Variants in TXNDC12 observed in about 807,000 individuals in gnomAD.
TXNDC12 encodes thioredoxin domain containing 12, also known as thioredoxin domain-containing protein 12.
TXNDC12 carries 22 observed loss-of-function variants against 24.2 expected under a neutral mutation model. The ratio of observed to expected loss-of-function variants is 0.91; its 90% CI spans 0.65 to 1.30. The LOEUF (loss-of-function observed/expected upper bound fraction) is 1.30, where lower values mean the gene tolerates loss of function less well. Among genes scored for constraint, TXNDC12 ranks in the 50% most tolerant of loss-of-function variants. The pLI is 0.00. For missense variants in TXNDC12, 184 were observed against 205.8 expected, an observed-to-expected ratio of 0.89 and a Z score of 0.65; for synonymous variants, 58 against 73.4, an observed-to-expected ratio of 0.79 and a Z score of 1.07.
intron 1 of TXNDC12, among the ~76,000 whole-genome samples, chr1:52,046,866 A>C (rs10888745): frequency 9.9e-5 from 3 of 30,172 alleles, no homozygotes; most frequent in Non-Finnish European, 4.7e-4. Flanking sequence ...AAAAAAAAAA[A>C]ATATATATAT....
intron 1 of TXNDC12, among the ~76,000 whole-genome samples, chr1:52,046,614 G>A (rs565454811): frequency 1.4e-4 from 22 of 152,156 alleles, no homozygotes; most frequent in Non-Finnish European, 2.6e-4. Context: ...CGTGGCTCAC[G>A]CCTGTAATCC....
At chr1:52,041,136 T>C (rs1685980151) in intron 2 of TXNDC12, among the ~76,000 whole-genome samples, 1 of 151,202 alleles carries the variant, frequency 6.6e-6, no homozygotes, top group Admixed American at 6.6e-5. Flanking sequence ...ATTGAGACCA[T>C]CCTGGCTAAC....
intron 3 of TXNDC12, among the ~76,000 whole-genome samples, chr1:52,027,744 TATAC>T (rs1685692462): frequency 6.7e-6 from 1 of 149,200 alleles, no homozygotes; most frequent in Non-Finnish European, 1.5e-5. Flanking sequence ...ATATGTTATA[TATAC>T]ATATATACAT....
intron 3 of TXNDC12, among the ~76,000 whole-genome samples, chr1:52,027,738 GT>G (rs1385964139): frequency 6.7e-6 from 1 of 148,466 alleles, no homozygotes; most frequent in African/African-American, 2.5e-5. Context: ...GTGTATATAT[GT>G]TATATATACA....
chr1:52,055,089 G>C lies in TXNDC12; in HGVS notation c.8C>G (p.Thr3Arg), dbSNP rs779769769. The C allele has an allele frequency of 1.9e-6, 3 of 1,613,672 alleles. No individual in the cohort carries two copies. The highest frequency in any genetic ancestry group is 2.5e-6 in the Non-Finnish European group (3 of 1,179,640). METRPRLGATCLL... is the reference protein window; with the variant it reads MERRPRLGATCLL... ...ACAGGTGGCCCCGAGACGAGGCCGCGTCTCCATGGCAGTAGGTGCGCGGGG... is the reference window on the plus strand; with the variant it reads ...ACAGGTGGCCCCGAGACGAGGCCGCCTCTCCATGGCAGTAGGTGCGCGGGG... The change falls in exon 1 of 7, where the codon ACG becomes AGG. Residue 3 changes from threonine (T) to arginine (R), a missense_variant. By Grantham distance (71) the Thr-to-Arg change is moderately conservative (BLOSUM62 -1). Coordinates refer to ENST00000371626, the MANE Select transcript of TXNDC12 (RefSeq NM_015913.4).
chr1:52,051,743 C>G (rs1156977604), intron 1 of TXNDC12: 3 of 169,284 alleles, frequency 1.8e-5, no homozygotes, highest in Admixed American at 6.5e-5. Flanking sequence ...TTAATGAAAA[C>G]AGTAGAGATC....
rs1571998645 is a variant in TXNDC12, at chr1:52,027,212, G to A, written c.285+63C>T. On this transcript the variant is annotated intron_variant, in intron 4 of 6. Coordinates refer to ENST00000371626, the MANE Select transcript of TXNDC12 (RefSeq NM_015913.4). ...TAATGAAGCTGTAATGAATATGCAC[G>A]AATGATACTAACTTTAAAAGTCTTA... The A allele has an allele frequency of 3.3e-5, 43 of 1,301,282 alleles. No individual in the cohort carries two copies. The South Asian group carries it at 3.5e-4, about 11-fold the overall frequency. The allele number at this position is 1,301,282 out of a possible 1,614,324, so 80.6% of individuals were successfully genotyped here.
rs75275738 is a variant in TXNDC12 at position 52,041,662 on chromosome 1, T to C, written c.98-65A>G. ...AAAGGGCACAGTCCCAAGAAGGAAG[T>C]GTGCATGTTCACAAGATACCCACTA... On this transcript the variant is annotated intron_variant, in intron 1 of 6. Coordinates refer to ENST00000371626, the MANE Select transcript of TXNDC12 (RefSeq NM_015913.4). 1,761 of 1,147,948 alleles carry C rather than the reference T, an allele frequency of 1.5e-3. 20 individuals carry two copies. In the African/African-American group the frequency reaches 0.025, roughly 16 times the overall value. The allele number at this position is 1,147,948 out of a possible 1,614,324, so 71.1% of individuals were successfully genotyped here.
At chr1:52,029,385 T>C (rs1022300152) in intron 2 of TXNDC12, among the ~76,000 whole-genome samples, 9 of 152,158 alleles carry the variant, frequency 5.9e-5, no homozygotes, top group African/African-American at 2.2e-4. Flanking sequence ...TACAATATAA[T>C]TTTCATAATC....
At chr1:52,052,522 CTG>C (rs891959402) in intron 1 of TXNDC12, 1 of 169,696 alleles carries the variant, frequency 5.9e-6, no homozygotes, top group African/African-American at 2.4e-5. Context: ...CATAAAGCTA[CTG>C]TGAGGAAACC....
At chr1:52,026,820 G>C (rs1255432727) in intron 4 of TXNDC12, among the ~76,000 whole-genome samples, 1 of 152,078 alleles carries the variant, frequency 6.6e-6, no homozygotes, top group Admixed American at 6.6e-5. Flanking sequence ...TAGATCACCA[G>C]AGGTCAGGAG....
At chr1:52,033,440 C>G (rs575201862) in intron 2 of TXNDC12, 10 of 1,612,598 alleles carry the variant, frequency 6.2e-6, no homozygotes, top group Admixed American at 1.7e-5. Flanking sequence ...CCGGGCCGTA[C>G]GCAGTAGACC....
At chr1:52,036,785 A>C (rs1055277088) in intron 2 of TXNDC12, among the ~76,000 whole-genome samples, 1 of 152,146 alleles carries the variant, frequency 6.6e-6, no homozygotes, top group Admixed American at 6.6e-5. Flanking sequence ...ACTCATCTCC[A>C]TCAAGTTATC....
In TXNDC12 at chr1:52,033,788, C is replaced by T. The variant is rs532957644; in HGVS notation, c.159-5158G>A. ...CTCTCAGGGAGCGACCATTGGCAAC[C>T]GCGCTGCGCCAACTTCCGGGTTGTA... On this transcript the variant is annotated intron_variant, in intron 2 of 6. Transcript: ENST00000371626. 11 of 1,540,326 alleles carry T rather than the reference C, an allele frequency of 7.1e-6. No homozygotes were observed. In the Admixed American group the frequency reaches 1.8e-4, roughly 25 times the overall value.
intron 1 of TXNDC12, chr1:52,051,037 G>C (rs1399984572): frequency 5.3e-5 from 9 of 169,316 alleles, no homozygotes; most frequent in Non-Finnish European, 4.4e-5. Flanking sequence ...TGCCTCATTT[G>C]AGGTTTTTTC....
chr1:52,033,385 G>A, intron 2 of TXNDC12: 1 of 1,613,458 alleles, frequency 6.2e-7, no homozygotes, highest in Non-Finnish European at 8.5e-7. Flanking sequence ...GTTCCGGCCA[G>A]GGTTCTCGTT....
intron 2 of TXNDC12, among the ~76,000 whole-genome samples, chr1:52,029,416 T>A (rs968253720): frequency 6.6e-6 from 1 of 152,222 alleles, no homozygotes; most frequent in Non-Finnish European, 1.5e-5. Flanking sequence ...CTGTTCACAA[T>A]GAGCAATGCA....
At chr1:52,033,798 C>T (rs1245666239) in intron 2 of TXNDC12, 1 of 1,529,662 alleles carries the variant, frequency 6.5e-7, no homozygotes, top group Non-Finnish European at 8.8e-7. Flanking sequence ...CGCGCTGCGC[C>T]AACTTCCGGG....
chr1:52,047,740 AAAAT>A (rs1296973410), intron 1 of TXNDC12, among the ~76,000 whole-genome samples: 2 of 133,036 alleles, frequency 1.5e-5, no homozygotes, highest in African/African-American at 5.1e-5. Flanking sequence ...CTATCTCTAA[AAAAT>A]AAATAACTAA....
Sources: allele counts gnomAD v4.1 joint callset (sites outside exome capture counted in the v4.1 genomes callset), GRCh38; gene constraint gnomAD v4.1.1; transcripts MANE v1.5; gene names NCBI Gene and HGNC (gene_info 2026-07-23, HGNC 2026-07-21).